The following MYB variants were observed in gnomAD, a reference collection of about 807,000 sequenced individuals.
MYB encodes the protein transcriptional activator Myb.
Under a neutral mutation model 92.9 loss-of-function variants are expected in MYB, and 28 were observed. The ratio of observed to expected loss-of-function variants is 0.30; its 90% CI spans 0.22 to 0.41. The LOEUF is 0.41. MYB is among the 10% of genes least tolerant of loss of function. The pLI, the probability that MYB is intolerant of heterozygous loss-of-function variation, is 1.00. For missense variants in MYB, 679 were observed against 929.3 expected, an observed-to-expected ratio of 0.73 and a Z score of 3.50; for synonymous variants, 295 against 329.1, an observed-to-expected ratio of 0.90 and a Z score of 1.12.
intron 15 of MYB, among the ~76,000 whole-genome samples, chr6:135,212,224 C>CT (rs545704827): frequency 0.022 from 728 of 32,806 alleles, 46 homozygotes; most frequent in Middle Eastern, 0.14. Flanking sequence ...TTTGGTTTTA[C>CT]TTTTTTTTTT....
chr6:135,197,702 C>T (rs1777524554), intron 10 of MYB, among the ~76,000 whole-genome samples: 1 of 152,122 alleles, frequency 6.6e-6, no homozygotes, highest in Non-Finnish European at 1.5e-5. Flanking sequence ...TTATGCGATT[C>T]ACTGACCCAG....
In MYB at chr6:135,215,022, T is replaced by A. The variant is rs192073461; in HGVS notation, c.2170-2842T>A. Among the ~76,000 whole-genome samples the A allele has an allele frequency of 1.8e-4, 28 of 152,370 alleles. No individual in the cohort carries two copies. The East Asian group carries it at 2.9e-3, about 16-fold the overall frequency. On this transcript the variant is annotated intron_variant, in intron 15 of 15. Transcript: ENST00000341911. ...AAAATATTATGATAATCCATCTTGC[T>A]ATGTAGTATTTCAAGTTATATGTTG...
rs146156073 is a variant in MYB at position 135,192,476 on chromosome 6, C to T, written c.680C>T (p.Pro227Leu). 285 of 1,614,226 alleles carry T rather than the reference C, an allele frequency of 1.8e-4. 1 individual carries two copies. Among genetic ancestry groups the T allele is most frequent in the Middle Eastern group, 6.6e-4 (4 of 6,062 alleles). Residue 227 changes from proline to leucine, a missense_variant, in exon 6 of 16, where the codon CCG becomes CTG. This residue lies in a region of MYB where 32 missense variants were observed against 29.9 expected (regional missense o/e 1.07). Coordinates refer to ENST00000341911, the MANE Select transcript of MYB (RefSeq NM_001130173.2). ...NSHLMGFAQA[P>L]PTAQLPATGQ... ...CATTTGATGGGTTTTGCTCAGGCTC[C>T]GCCTACAGCTCAACTCCCTGCCACT...
In MYB at chr6:135,182,725, C is replaced by T. The variant is rs1775261019; in HGVS notation, c.23+1189C>T. Among the ~76,000 whole-genome samples the T allele has an allele frequency of 6.6e-6, 1 of 152,028 alleles. No individual in the cohort carries two copies. Among genetic ancestry groups the T allele is most frequent in the South Asian group, 2.1e-4 (1 of 4,828 alleles). ...GCCTTTCCTTAGATTGTTTGATTTTCTCCTACTGGTTTGTTGTTGAGCCTG... is the reference window on the plus strand; with the variant it reads ...GCCTTTCCTTAGATTGTTTGATTTTTTCCTACTGGTTTGTTGTTGAGCCTG... On this transcript the variant is annotated intron_variant, in intron 1 of 15. Coordinates refer to ENST00000341911, the MANE Select transcript of MYB (RefSeq NM_001130173.2). This position sits in a 1 kb window ranked among gnomAD's most constrained non-coding sequence, Gnocchi z 5.6.
intron 10 of MYB, among the ~76,000 whole-genome samples, chr6:135,197,618 CCTTT>C (rs1309720824): frequency 1.3e-5 from 2 of 152,084 alleles, no homozygotes; most frequent in African/African-American, 2.4e-5. Context: ...CATTTCTGTC[CCTTT>C]CTTTTTCTCC....
intron 7 of MYB, 88 bp from the exon 8 acceptor site, chr6:135,194,268 G>A: frequency 2.0e-6 from 2 of 981,384 alleles, no homozygotes; most frequent in Non-Finnish European, 1.5e-6. Context: ...GGGCTGTGCG[G>A]CACCTCATGA....
intron 6 of MYB, among the ~76,000 whole-genome samples, chr6:135,193,038 G>A (rs1776826984): frequency 6.6e-6 from 1 of 152,148 alleles, no homozygotes; most frequent in Non-Finnish European, 1.5e-5. Flanking sequence ...CAGTGATCAG[G>A]CAGACATGTC....
At position 135,197,322 on chromosome 6, in the gene MYB, A is replaced by G. The variant is rs764628838; in HGVS notation, c.1565A>G (p.Gln522Arg). The change falls in exon 10 of 16, where the codon CAG (glutamine) becomes CGG (arginine). Residue 522 changes from glutamine to arginine, a missense_variant and splice_region_variant. Gln to Arg is a conservative substitution (Grantham distance 43, BLOSUM62 1). Transcript: ENST00000341911. ...AAAAGCCTACCCTTCTCTCCCTCGC[A>G]GGTAGAACACAATTTCTGCACAGCT... ...PVKSLPFSPS[Q>R]FLNTSSNHEN... 2 of 1,601,894 alleles carry G rather than the reference A, an allele frequency of 1.2e-6. No individual in the cohort carries two copies. Among genetic ancestry groups the G allele is most frequent in the East Asian group, 2.2e-5 (1 of 44,768 alleles).
Position 135,181,555 on chromosome 6 carries a change from G to C in MYB, c.23+19G>C. The C allele has an allele frequency of 8.6e-7, 1 of 1,160,148 alleles. No homozygotes were observed. Among genetic ancestry groups the C allele is most frequent in the South Asian group, 4.2e-5 (1 of 23,698 alleles). The allele number at this position is 1,160,148 out of a possible 1,614,324, so 71.9% of individuals were successfully genotyped here. A position where few individuals can be genotyped will look rare whatever the true frequency, so the allele number is the denominator to read the frequency against. On this transcript the variant is annotated intron_variant, in intron 1 of 15. Transcript: ENST00000341911. This position sits in a 1 kb window ranked among gnomAD's most constrained non-coding sequence, Gnocchi z 5.3. ...GGCACAGGTAACGGGGAGCCGGGCG[G>C]GCGGCCGAGGGCGGGGGCGCGCGGG...
chr6:135,205,229 C>T (rs1281146607), intron 15 of MYB, among the ~76,000 whole-genome samples: 4 of 134,854 alleles, frequency 3.0e-5, no homozygotes, highest in Non-Finnish European at 6.5e-5. Flanking sequence ...AAAGCTTTTG[C>T]TTTTTTTTTT....
chr6:135,207,979 G>A (rs911585596), intron 15 of MYB, among the ~76,000 whole-genome samples: 15 of 151,722 alleles, frequency 9.9e-5, no homozygotes, highest in African/African-American at 3.6e-4. Context: ...CACCTGCCTC[G>A]GCCTCCCAAA....
Position 135,181,593 on chromosome 6 carries a change from G to A in MYB, c.23+57G>A. ...GGGGGCGCGCGGGGGCGCGCGGGGCGCCAGGCTCCCGGGAGCAGGTGGGAA... is the reference window on the plus strand; with the variant it reads ...GGGGGCGCGCGGGGGCGCGCGGGGCACCAGGCTCCCGGGAGCAGGTGGGAA... On this transcript the variant is annotated intron_variant, in intron 1 of 15. Coordinates refer to ENST00000341911, the MANE Select transcript of MYB (RefSeq NM_001130173.2). The surrounding 1 kb of genome is among the most constrained non-coding windows in gnomAD (Gnocchi z 5.3). 9.1e-7 allele frequency: 1 copy of A among 1,098,872 alleles called. No homozygotes were observed. The allele number at this position is 1,098,872 out of a possible 1,614,324, so 68.1% of individuals were successfully genotyped here. A position where few individuals can be genotyped will look rare whatever the true frequency, so the allele number is the denominator to read the frequency against.
At chr6:135,206,263 T>A (rs1778906043) in intron 15 of MYB, among the ~76,000 whole-genome samples, 2 of 149,446 alleles carry the variant, frequency 1.3e-5, no homozygotes, top group South Asian at 2.1e-4. Context: ...CTGGGTGTAG[T>A]GGTACATACC....
chr6:135,218,759 T>TTA lies in MYB; in HGVS notation c.*790_*791dup, dbSNP rs960219997. On this transcript the variant is annotated 3_prime_UTR_variant, in exon 16 of 16. Transcript: ENST00000341911. ...CACTAGTATTTCAGACTTTTTAATTTTATATATATATACATTTTTTTTCCT... is the reference window on the plus strand; with the variant it reads ...CACTAGTATTTCAGACTTTTTAATTTTATATATATATATACATTTTTTTTCCT... 1.5e-5 allele frequency: 3 copies of TTA among 201,260 alleles called. No homozygotes were observed. Among genetic ancestry groups the TTA allele is most frequent in the South Asian group, 1.9e-4 (1 of 5,218 alleles). 12.5% of individuals were successfully genotyped at this position (201,260 alleles called of 1,614,324 possible). A position where few individuals can be genotyped will look rare whatever the true frequency, so the allele number is the denominator to read the frequency against.
intron 7 of MYB, 115 bp downstream of exon 7, chr6:135,194,033 G>T: frequency 1.2e-6 from 1 of 820,928 alleles, no homozygotes; most frequent in Non-Finnish European, 2.0e-6. Flanking sequence ...AGGGAACATG[G>T]AGAGGAGAGC....
chr6:135,187,744 T>A (rs1395560812), intron 2 of MYB, 90 bp from the exon 3 acceptor site: 1 of 771,350 alleles, frequency 1.3e-6, no homozygotes, highest in Non-Finnish European at 2.1e-6. Flanking sequence ...AGAGACTTTT[T>A]ATTCTAGATT....
In MYB at chr6:135,187,876, G is replaced by A. The variant is rs1443630742; in HGVS notation, c.184G>A (p.Asp62Asn). 1 of 1,610,330 alleles carries A rather than the reference G, an allele frequency of 6.2e-7. No individual in the cohort carries two copies. Residue 62 changes from aspartate (D) to asparagine (N), a missense_variant, in exon 3 of 16, where the codon GAC (aspartate) becomes AAC (asparagine). Physicochemically the swap from Asp to Asn is conservative, Grantham distance 23. This residue lies in a region of MYB where 88 missense variants were observed against 145.6 expected (regional missense o/e 0.60). Coordinates refer to ENST00000341911, the MANE Select transcript of MYB (RefSeq NM_001130173.2). The stretch of plus-strand genomic sequence containing the variant: ...GCTGGTGGAACAGAATGGAACAGAT[G>A]ACTGGAAAGTTATTGCCAATTATCT... ...KKLVEQNGTD[D>N]WKVIANYLPN...
chr6:135,192,393 G>T lies in MYB; in HGVS notation c.597G>T (p.Leu199=). 6.2e-7 allele frequency: 1 copy of T among 1,614,242 alleles called. No individual in the cohort carries two copies. Among genetic ancestry groups the T allele is most frequent in the South Asian group, 1.1e-5 (1 of 91,084 alleles). ...MRRKVEQEGY[L]QESSKASQPA... is the part of the protein sequence containing the mutation. The stretch of plus-strand genomic sequence containing the variant: ...GGAAGGTCGAACAGGAAGGTTATCT[G>T]CAGGAGTCTTCAAAAGCCAGCCAGC... Residue 199 remains leucine, a synonymous_variant, in exon 6 of 16, where the codon CTG becomes CTT. Coordinates refer to ENST00000341911, the MANE Select transcript of MYB (RefSeq NM_001130173.2).
chr6:135,183,050 G>A (rs1263793146), intron 1 of MYB, among the ~76,000 whole-genome samples: 3 of 145,648 alleles, frequency 2.1e-5, no homozygotes, highest in African/African-American at 7.6e-5. Context: ...ACTGGCAGCA[G>A]GAGGAGGGAG....
Sources: allele counts gnomAD v4.1 joint callset (sites outside exome capture counted in the v4.1 genomes callset), GRCh38; gene constraint gnomAD v4.1.1; regional missense constraint gnomAD v4.1.1; non-coding constraint Gnocchi (gnomAD v3.1); transcripts MANE v1.5; gene names NCBI Gene and HGNC (gene_info 2026-07-23, HGNC 2026-07-21).